KCNAB1: variants seen among roughly 807,000 people sequenced by gnomAD.
The protein encoded by KCNAB1 is potassium voltage-gated channel subfamily A regulatory beta subunit 1.
Under a neutral mutation model 64.6 loss-of-function variants are expected in KCNAB1, and 35 were observed. The ratio of observed to expected loss-of-function variants is 0.54; its 90% CI spans 0.41 to 0.72. The LOEUF (loss-of-function observed/expected upper bound fraction) is 0.72, where lower values mean the gene tolerates loss of function less well. Ranked by LOEUF, KCNAB1 falls within the 30% of genes least tolerant of loss-of-function variation. The pLI, the probability that KCNAB1 is intolerant of heterozygous loss-of-function variation, is 0.00. For missense variants in KCNAB1, 401 were observed against 512.9 expected (o/e 0.78, Z 2.11); for synonymous variants, 177 against 183.8 (o/e 0.96, Z 0.30).
At chr3:156,443,470 G>A (rs1717154363) in intron 2 of KCNAB1, among the ~76,000 whole-genome samples, 1 of 152,186 alleles carries the variant, frequency 6.6e-6, no homozygotes, top group Admixed American at 6.5e-5. Context: ...AAGCAGCTGT[G>A]GCAAGTCACT....
intron 1 of KCNAB1, among the ~76,000 whole-genome samples, chr3:156,266,484 T>C (rs530788739): frequency 6.6e-6 from 1 of 152,342 alleles, no homozygotes; most frequent in South Asian, 2.1e-4. Context: ...AGCTGTGTGA[T>C]AGATTGAGAA....
intron 1 of KCNAB1, among the ~76,000 whole-genome samples, chr3:156,390,868 A>T (rs1712991461): frequency 6.6e-6 from 1 of 152,162 alleles, no homozygotes; most frequent in Admixed American, 6.5e-5. Context: ...TACAAGTGTG[A>T]GCCACAGCGC....
intron 9 of KCNAB1, 47 bp from the exon 10 acceptor site, chr3:156,515,053 T>G (rs760011946): frequency 5.3e-5 from 81 of 1,534,282 alleles, no homozygotes; most frequent in Non-Finnish European, 7.1e-5. Flanking sequence ...CAGCGAAGCC[T>G]TATTTCTCAT....
chr3:156,350,691 A>G (rs1724800662), intron 1 of KCNAB1, among the ~76,000 whole-genome samples: 1 of 152,244 alleles, frequency 6.6e-6, no homozygotes, highest in African/African-American at 2.4e-5. Context: ...TGAGCAAGAA[A>G]TAAAAATAAA....
At chr3:156,194,302 T>G (rs1187058938) in intron 1 of KCNAB1, among the ~76,000 whole-genome samples, 1 of 152,100 alleles carries the variant, frequency 6.6e-6, no homozygotes, top group Non-Finnish European at 1.5e-5. Flanking sequence ...AGCTCCTTTA[T>G]AGCTGAAAAC....
intron 1 of KCNAB1, among the ~76,000 whole-genome samples, chr3:156,259,150 C>A (rs1334107756): frequency 6.6e-6 from 1 of 152,128 alleles, no homozygotes; most frequent in Admixed American, 6.5e-5. Flanking sequence ...AACACCCTGG[C>A]AGCTAGGAGT....
chr3:156,332,345 A>T (rs1482259234), intron 1 of KCNAB1, among the ~76,000 whole-genome samples: 1 of 152,174 alleles, frequency 6.6e-6, no homozygotes, highest in East Asian at 1.9e-4. Flanking sequence ...AATTGTTTTT[A>T]TCAAGTTTAG....
Position 156,469,320 on chromosome 3 carries a change from G to A in KCNAB1, c.571+3634G>A, listed in dbSNP as rs191379151. 3.7e-4 allele frequency among the ~76,000 whole-genome samples: 49 copies of A among 133,406 alleles called. No homozygotes were observed. The East Asian group carries it at 0.01, about 27-fold the overall frequency. 87.5% of individuals were successfully genotyped at this position (133,406 alleles called of 152,430 possible). On this transcript the variant is annotated intron_variant, in intron 7 of 13. Coordinates refer to ENST00000490337, the MANE Select transcript of KCNAB1 (RefSeq NM_172160.3). ...CACCCAGGCTGGAGTGCAGTGGCAC[G>A]ATCTCGGCTCACTGCAACCTCCGCC...
chr3:156,517,528 A>G (rs1717640395), intron 11 of KCNAB1, among the ~76,000 whole-genome samples: 1 of 152,254 alleles, frequency 6.6e-6, no homozygotes, highest in South Asian at 2.1e-4. Context: ...ACAGACTAAA[A>G]GCATCTTAGG....
upstream of KCNAB1, chr3:156,118,249 G>A (rs145249934): frequency 5.7e-4 from 255 of 444,542 alleles, 6 homozygotes; most frequent in East Asian, 0.015. Flanking sequence ...GTCATCTAAG[G>A]ATACTGCTCA....
chr3:156,256,764 T>A (rs1718121673), intron 1 of KCNAB1, among the ~76,000 whole-genome samples: 1 of 152,268 alleles, frequency 6.6e-6, no homozygotes, highest in Non-Finnish European at 1.5e-5. Flanking sequence ...CTACTCTGCT[T>A]TGTGCCCCAG....
At chr3:156,239,132 C>G (rs1239170345) in intron 1 of KCNAB1, among the ~76,000 whole-genome samples, 1 of 152,158 alleles carries the variant, frequency 6.6e-6, no homozygotes, top group Non-Finnish European at 1.5e-5. Context: ...AAGGTACACA[C>G]TATTTTACAT....
At chr3:156,120,990 C>T (rs1052608986) in intron 1 of KCNAB1, 104 bp downstream of exon 1, 1 of 1,371,596 alleles carries the variant, frequency 7.3e-7, no homozygotes, top group South Asian at 1.4e-5. Context: ...CTTAACGGCT[C>T]TAATTGCCTT....
At chr3:156,224,316 C>A (rs1576622432) in intron 1 of KCNAB1, among the ~76,000 whole-genome samples, 1 of 152,254 alleles carries the variant, frequency 6.6e-6, no homozygotes, top group African/African-American at 2.4e-5. Context: ...CCCACCACAC[C>A]TCCCTGCAAG....
At chr3:156,151,251 A>G in intron 1 of KCNAB1, among the ~76,000 whole-genome samples, 2 of 152,290 alleles carry the variant, frequency 1.3e-5, no homozygotes, top group East Asian at 3.9e-4. Context: ...TTGTTTTCAC[A>G]TATCACGTGT....
intron 1 of KCNAB1, among the ~76,000 whole-genome samples, chr3:156,233,190 C>G (rs551572564): frequency 6.6e-5 from 10 of 151,994 alleles, no homozygotes; most frequent in Non-Finnish European, 1.2e-4. Flanking sequence ...GCCGAGAGTA[C>G]AGAAAATAAT....
In KCNAB1 at chr3:156,455,973, C is replaced by G. The variant is rs559676874; in HGVS notation, c.358-1480C>G. On this transcript the variant is annotated intron_variant, in intron 3 of 13. Transcript: ENST00000490337. ...CTCACTCGTAGGCCCCCCAGGCCCC[C>G]GCTAGAGGGAGGTGAAGTCAGCTTT... The G allele has an allele frequency of 1.1e-4, 17 of 152,476 alleles. 1 individual carries two copies. Among genetic ancestry groups the G allele is most frequent in the African/African-American group, 3.6e-4 (15 of 41,580 alleles). The allele number at this position is 152,476 out of a possible 1,614,324, so 9.4% of individuals were successfully genotyped here.
At chr3:156,221,054 C>G (rs1715697316) in intron 1 of KCNAB1, among the ~76,000 whole-genome samples, 1 of 152,178 alleles carries the variant, frequency 6.6e-6, no homozygotes, top group African/African-American at 2.4e-5. Context: ...TCTGTGGCCT[C>G]TGTTCTGTTC....
intron 1 of KCNAB1, among the ~76,000 whole-genome samples, chr3:156,358,393 C>T (rs1725398014): frequency 6.6e-6 from 1 of 152,136 alleles, no homozygotes; most frequent in African/African-American, 2.4e-5. Flanking sequence ...AGGAATTGTG[C>T]TCTGAGCCAT....
Sources: allele counts gnomAD v4.1 joint callset (sites outside exome capture counted in the v4.1 genomes callset), GRCh38; gene constraint gnomAD v4.1.1; transcripts MANE v1.5; gene names NCBI Gene and HGNC (gene_info 2026-07-23, HGNC 2026-07-21).